FAT3: variants seen among roughly 807,000 people sequenced by gnomAD.
FAT3 encodes the protein FAT atypical cadherin 3.
In FAT3, 95 loss-of-function variants were observed where a neutral mutation model predicts 310.2. The observed-to-expected ratio is 0.31, with a 90% confidence interval of 0.26 to 0.36. The LOEUF (loss-of-function observed/expected upper bound fraction) is 0.36. Ranked by LOEUF, FAT3 falls within the 10% of genes least tolerant of loss-of-function variation. FAT3 has a pLI of 1.00. For synonymous variants in FAT3, 2,314 were observed against 2,192.9 expected, an observed-to-expected ratio of 1.06 and a Z score of -1.54; for missense variants, 5,408 against 5,715.6, an observed-to-expected ratio of 0.95 and a Z score of 1.74.
At chr11:92,483,149 G>A (rs1175655418) in intron 2 of FAT3, among the ~76,000 whole-genome samples, 3 of 152,084 alleles carry the variant, frequency 2.0e-5, no homozygotes, top group Non-Finnish European at 4.4e-5. Context: ...CTGATGCTTG[G>A]ACAAGCTAAG....
At chr11:92,502,115 C>G (rs1591373651) in intron 2 of FAT3, among the ~76,000 whole-genome samples, 1 of 151,934 alleles carries the variant, frequency 6.6e-6, no homozygotes, top group East Asian at 1.9e-4. Flanking sequence ...TTGAAGTGAC[C>G]TGTCTAGTTT....
intron 2 of FAT3, among the ~76,000 whole-genome samples, chr11:92,481,936 A>G (rs536336661): frequency 6.6e-6 from 1 of 152,332 alleles, no homozygotes; most frequent in South Asian, 2.1e-4. Flanking sequence ...AATTTAGAAA[A>G]TTAAAGTTTC....
chr11:92,291,728 A>C (rs1591062875), intron 1 of FAT3, among the ~76,000 whole-genome samples: 1 of 152,196 alleles, frequency 6.6e-6, no homozygotes, highest in South Asian at 2.1e-4. Flanking sequence ...GATTTTGGAG[A>C]TTTGCAAAAC....
chr11:92,734,582 T>C (rs1945285055), intron 4 of FAT3, among the ~76,000 whole-genome samples: 1 of 152,074 alleles, frequency 6.6e-6, no homozygotes, highest in Non-Finnish European at 1.5e-5. Flanking sequence ...CACTAGAAAA[T>C]AAAGTCAATT....
At chr11:92,448,192 G>T (rs1254871968) in intron 2 of FAT3, among the ~76,000 whole-genome samples, 2 of 152,086 alleles carry the variant, frequency 1.3e-5, no homozygotes, top group Non-Finnish European at 2.9e-5. Flanking sequence ...AAAGTGCTTG[G>T]AACAACATAA....
chr11:92,774,989 T>C (rs1453157094), intron 7 of FAT3, among the ~76,000 whole-genome samples: 1 of 152,184 alleles, frequency 6.6e-6, no homozygotes, highest in East Asian at 1.9e-4. Context: ...GATTTTTTTT[T>C]CTTATTTTTT....
intron 3 of FAT3, among the ~76,000 whole-genome samples, chr11:92,672,595 A>G (rs1943162228): frequency 6.6e-6 from 1 of 152,224 alleles, no homozygotes; most frequent in South Asian, 2.1e-4. Flanking sequence ...CAGTCAGCAT[A>G]GTGGTCCCCA....
intron 1 of FAT3, among the ~76,000 whole-genome samples, chr11:92,231,664 T>C (rs577535022): frequency 6.6e-5 from 10 of 152,334 alleles, no homozygotes; most frequent in African/African-American, 2.4e-4. Context: ...TGATGTTTTA[T>C]ATTTTGAGAT....
At chr11:92,527,027 A>T (rs1224414708) in intron 3 of FAT3, among the ~76,000 whole-genome samples, 1 of 152,220 alleles carries the variant, frequency 6.6e-6, no homozygotes, top group African/African-American at 2.4e-5. Flanking sequence ...ATATGAACTT[A>T]ACAAATACTT....
At chr11:92,606,777 G>T (rs1450621134) in intron 3 of FAT3, among the ~76,000 whole-genome samples, 1 of 152,272 alleles carries the variant, frequency 6.6e-6, no homozygotes, top group Admixed American at 6.5e-5. Context: ...ACTTAAAGCT[G>T]GTTCTGTCAA....
intron 2 of FAT3, among the ~76,000 whole-genome samples, chr11:92,458,206 A>T (rs1591316233): frequency 6.6e-6 from 1 of 152,132 alleles, no homozygotes; most frequent in African/African-American, 2.4e-5. Flanking sequence ...ATCTAATGGA[A>T]TTTTACTGTA....
chr11:92,401,158 G>T (rs1220847253), intron 2 of FAT3, among the ~76,000 whole-genome samples: 2 of 152,142 alleles, frequency 1.3e-5, no homozygotes, highest in African/African-American at 4.8e-5. Flanking sequence ...AAGCTGGCGG[G>T]GATACTTTAC....
At chr11:92,657,582 G>A (rs1369355669) in intron 3 of FAT3, among the ~76,000 whole-genome samples, 2 of 152,144 alleles carry the variant, frequency 1.3e-5, no homozygotes. Flanking sequence ...AGTGTGCTGT[G>A]GAATTCACAA....
intron 19 of FAT3, among the ~76,000 whole-genome samples, chr11:92,850,047 C>G (rs551543678): frequency 1.8e-4 from 28 of 152,270 alleles, no homozygotes; most frequent in African/African-American, 6.5e-4. Flanking sequence ...GTGAGGTAGT[C>G]AGACACTTAA....
intron 2 of FAT3, among the ~76,000 whole-genome samples, chr11:92,405,102 A>AT (rs1387904453): frequency 6.6e-6 from 1 of 151,820 alleles, no homozygotes; most frequent in African/African-American, 2.4e-5. Context: ...CAGTTGGTTC[A>AT]TTTTTTTCTG....
chr11:92,354,084 G>A lies in FAT3; in HGVS notation c.1972G>A (p.Gly658Arg), dbSNP rs1365569736. Residue 658 changes from glycine to arginine, a missense_variant, in exon 2 of 28, where the codon GGA becomes AGA. Physicochemically the swap from Gly to Arg is moderately radical, Grantham distance 125 (BLOSUM62 -2). Transcript: ENST00000525166. The part of the protein sequence containing the change: ...NFALRITATD[G>R]ENLADPMSIN... The stretch of plus-strand genomic sequence containing the variant: ...TGCCCTCAGAATTACAGCAACTGAT[G>A]GAGAGAATCTTGCAGACCCCATGTC... 1 of 1,613,594 alleles carries A rather than the reference G, an allele frequency of 6.2e-7. No individual in the cohort carries two copies. The highest frequency in any genetic ancestry group is 1.3e-5 in the African/African-American group (1 of 74,922).
At chr11:92,588,870 C>T (rs1939285803) in intron 3 of FAT3, among the ~76,000 whole-genome samples, 1 of 151,560 alleles carries the variant, frequency 6.6e-6, no homozygotes. Flanking sequence ...GGGAAGATTT[C>T]TCTTAGGGAA....
At chr11:92,366,523 C>G (rs771887957) in intron 2 of FAT3, 1 of 482,134 alleles carries the variant, frequency 2.1e-6, no homozygotes, top group Non-Finnish European at 4.1e-6. Flanking sequence ...CCTCGGCAGC[C>G]GCAGCTTCCA....
intron 3 of FAT3, among the ~76,000 whole-genome samples, chr11:92,617,113 C>T (rs1352901418): frequency 2.0e-5 from 3 of 152,168 alleles, no homozygotes; most frequent in Non-Finnish European, 4.4e-5. Context: ...TTCAGGTACA[C>T]CAGTCAGACG....
Sources: allele counts gnomAD v4.1 joint callset (sites outside exome capture counted in the v4.1 genomes callset), GRCh38; gene constraint gnomAD v4.1.1; transcripts MANE v1.5; gene names NCBI Gene and HGNC (gene_info 2026-07-23, HGNC 2026-07-21).